SLC35F3: variants seen among roughly 807,000 people sequenced by gnomAD.
SLC35F3 encodes solute carrier family 35 member F3, also known as putative thiamine transporter SLC35F3.
In SLC35F3, 25 loss-of-function variants were observed where a neutral mutation model predicts 49.9. That is an observed-to-expected ratio of 0.50 (90% CI 0.37 to 0.70). SLC35F3 has a LOEUF of 0.70. SLC35F3 is among the 30% of genes least tolerant of loss of function. The pLI is 0.00. For synonymous variants in SLC35F3, 275 were observed against 265.4 expected (o/e 1.04, Z -0.35); for missense variants, 525 against 639.8 (o/e 0.82, Z 1.94).
chr1:234,321,134 T>C (rs1657611316), intron 7 of SLC35F3, among the ~76,000 whole-genome samples: 1 of 150,834 alleles, frequency 6.6e-6, no homozygotes, highest in African/African-American at 2.4e-5. Flanking sequence ...CCTTTCCTCA[T>C]GACTTGGTTT....
chr1:234,152,325 G>A (rs1008546632), intron 2 of SLC35F3, among the ~76,000 whole-genome samples: 1 of 151,856 alleles, frequency 6.6e-6, no homozygotes. Flanking sequence ...ATGGTGGTTT[G>A]CTGCACTCAT....
chr1:233,947,439 T>A (rs888073069), intron 2 of SLC35F3, among the ~76,000 whole-genome samples: 2 of 150,440 alleles, frequency 1.3e-5, no homozygotes, highest in East Asian at 2.0e-4. Flanking sequence ...GAAGTCTTAG[T>A]GGGCATTATC....
At chr1:234,295,911 G>A (rs529934024) in intron 3 of SLC35F3, among the ~76,000 whole-genome samples, 1 of 152,304 alleles carries the variant, frequency 6.6e-6, no homozygotes, top group South Asian at 2.1e-4. Context: ...AAGGAGCCAA[G>A]TAAAGGTCCA....
intron 3 of SLC35F3, among the ~76,000 whole-genome samples, chr1:234,302,194 A>G (rs1553262901): frequency 6.6e-6 from 1 of 152,138 alleles, no homozygotes; most frequent in Non-Finnish European, 1.5e-5. Flanking sequence ...AATTAAAAGA[A>G]AAAAGAAGAA....
At position 234,163,217 on chromosome 1, in the gene SLC35F3, C is replaced by T. The variant is rs80233243; in HGVS notation, c.284-68200C>T. 1.6e-4 allele frequency among the ~76,000 whole-genome samples: 24 copies of T among 152,290 alleles called. No homozygotes were observed. In the East Asian group the frequency reaches 4.2e-3, roughly 27 times the overall value. On this transcript the variant is annotated intron_variant, in intron 2 of 7. Transcript: ENST00000366618. ...TTTTTCTTGCAGTATTTGGTATTTCCGCAAGGTACATCATACAATACACCT... is the reference window on the plus strand; with the variant it reads ...TTTTTCTTGCAGTATTTGGTATTTCTGCAAGGTACATCATACAATACACCT...
At chr1:234,007,999 G>A (rs1412273309) in intron 2 of SLC35F3, among the ~76,000 whole-genome samples, 1 of 152,174 alleles carries the variant, frequency 6.6e-6, no homozygotes, top group Non-Finnish European at 1.5e-5. Context: ...ATGAAGGTTA[G>A]TAATTAAAAA....
At chr1:234,140,002 A>AATAAAATAAAATAAATAAAAAAAT in intron 2 of SLC35F3, among the ~76,000 whole-genome samples, 4 of 105,368 alleles carry the variant, frequency 3.8e-5, no homozygotes, top group Non-Finnish European at 4.7e-5. Context: ...AATAAAATAA[A>AATAAAATAAAATAAATAAAAAAAT]GTAAGTGACT....
chr1:234,036,689 G>A (rs960603954), intron 2 of SLC35F3, among the ~76,000 whole-genome samples: 3 of 152,170 alleles, frequency 2.0e-5, no homozygotes, highest in African/African-American at 7.2e-5. Context: ...CTTATTGCTG[G>A]GAATAGAGGA....
At chr1:233,929,181 G>T (rs1419763518) in intron 2 of SLC35F3, among the ~76,000 whole-genome samples, 1 of 152,170 alleles carries the variant, frequency 6.6e-6, no homozygotes. Flanking sequence ...CAAGGGTAGA[G>T]AAACAGAATT....
intron 3 of SLC35F3, among the ~76,000 whole-genome samples, chr1:234,283,214 A>C (rs1299837655): frequency 6.6e-6 from 1 of 152,200 alleles, no homozygotes; most frequent in Non-Finnish European, 1.5e-5. Flanking sequence ...AGGGATGACC[A>C]ATTCCATGGT....
chr1:234,117,956 GTGTGTGTGTATA>G (rs1236248717), intron 2 of SLC35F3, among the ~76,000 whole-genome samples: 19 of 28,338 alleles, frequency 6.7e-4, no homozygotes, highest in African/African-American at 2.3e-3. Flanking sequence ...GTGTGTGTGT[GTGTGTGTGTATA>G]TATATATAAA....
chr1:233,934,142 G>T (rs1177175402), intron 2 of SLC35F3, among the ~76,000 whole-genome samples: 1 of 152,182 alleles, frequency 6.6e-6, no homozygotes, highest in Admixed American at 6.5e-5. Flanking sequence ...TTCAGAGTAT[G>T]TCTTTAGGTT....
intron 2 of SLC35F3, among the ~76,000 whole-genome samples, chr1:234,157,213 A>G (rs1178932930): frequency 1.3e-5 from 2 of 152,214 alleles, no homozygotes; most frequent in Admixed American, 1.3e-4. Context: ...CCTCCCTGCT[A>G]CCACGTAATC....
intron 2 of SLC35F3, among the ~76,000 whole-genome samples, chr1:234,216,541 G>A (rs1042325513): frequency 6.6e-6 from 1 of 152,136 alleles, no homozygotes; most frequent in African/African-American, 2.4e-5. Flanking sequence ...AGTCCCTTAG[G>A]GCTGCTGCCA....
At chr1:233,912,432 G>A (rs937410124) in intron 2 of SLC35F3, among the ~76,000 whole-genome samples, 8 of 152,108 alleles carry the variant, frequency 5.3e-5, no homozygotes, top group Non-Finnish European at 7.4e-5. Flanking sequence ...AGCCGAGATC[G>A]TGCCACTGCA....
intron 2 of SLC35F3, among the ~76,000 whole-genome samples, chr1:234,042,079 G>T (rs761612241): frequency 1.3e-5 from 2 of 152,132 alleles, no homozygotes; most frequent in Non-Finnish European, 2.9e-5. Flanking sequence ...CTTCCCTGAC[G>T]TCAAGTTGCC....
At chr1:234,139,958 A>ATAAAATAAAATAAAATTAAAT in intron 2 of SLC35F3, among the ~76,000 whole-genome samples, 1 of 123,218 alleles carries the variant, frequency 8.1e-6, no homozygotes, top group Non-Finnish European at 1.7e-5. Context: ...AAATAATAAA[A>ATAAAATAAAATAAAATTAAAT]TAAAATAAAA....
At chr1:234,184,770 CTATT>C (rs1666609717) in intron 2 of SLC35F3, among the ~76,000 whole-genome samples, 1 of 152,204 alleles carries the variant, frequency 6.6e-6, no homozygotes, top group African/African-American at 2.4e-5. Flanking sequence ...TGATGAATAA[CTATT>C]TATTGAAAAT....
chr1:234,253,571 G>A (rs560266069), intron 3 of SLC35F3, among the ~76,000 whole-genome samples: 5 of 152,022 alleles, frequency 3.3e-5, no homozygotes, highest in African/African-American at 9.6e-5. Context: ...ATGGGAAGAG[G>A]GCAAATGGTT....
Sources: gnomAD v4.1 joint callset for allele counts (sites outside exome capture counted in the v4.1 genomes callset) on GRCh38, gnomAD v4.1.1 for gene constraint, MANE v1.5 for transcripts, NCBI Gene and HGNC (gene_info 2026-07-23, HGNC 2026-07-21) for gene names.